DLEC1: variants seen among roughly 807,000 people sequenced by gnomAD.
DLEC1 encodes the protein deleted in lung and esophageal cancer protein 1.
Under a neutral mutation model 198.1 loss-of-function variants are expected in DLEC1, and 146 were observed. The observed-to-expected ratio is 0.74, with a 90% CI of 0.64 to 0.85. The LOEUF is 0.85. DLEC1 is among the 40% of genes least tolerant of loss of function. DLEC1 has a pLI of 0.00. For synonymous variants in DLEC1, 897 were observed against 866.8 expected, an observed-to-expected ratio of 1.03 and a Z score of -0.61; for missense variants, 2,233 against 2,220.0, an observed-to-expected ratio of 1.01 and a Z score of -0.12.
chr3:38,084,265 G>C lies in DLEC1; in HGVS notation c.1261+20G>C, dbSNP rs1698229183. The C allele has an allele frequency of 3.1e-6, 5 of 1,599,422 alleles. No homozygotes were observed. Among genetic ancestry groups the C allele is most frequent in the Admixed American group, 1.7e-5 (1 of 59,628 alleles). ...GACTGGGTAAGTTCAGTATTTGTAA[G>C]TTCATTAGTAGTAGTGGTAATAGTA... On this transcript the variant is annotated intron_variant, in intron 7 of 36. Transcript: ENST00000308059.
At chr3:38,081,693 G>T (rs1490949783) in intron 6 of DLEC1, among the ~76,000 whole-genome samples, 2 of 71,536 alleles carry the variant, frequency 2.8e-5, no homozygotes, top group African/African-American at 6.3e-5. Flanking sequence ...CCTCCCGGAC[G>T]GGGTGGCTGG....
intron 2 of DLEC1, among the ~76,000 whole-genome samples, chr3:38,053,820 C>T (rs927418072): frequency 1.1e-4 from 17 of 152,312 alleles, no homozygotes; most frequent in Middle Eastern, 6.8e-3. Context: ...AAGAAGTAGA[C>T]ATAGGAGACT....
At chr3:38,066,990 G>C (rs1359179932) in intron 6 of DLEC1, among the ~76,000 whole-genome samples, 1 of 152,208 alleles carries the variant, frequency 6.6e-6, no homozygotes, top group South Asian at 2.1e-4. Flanking sequence ...GAATAGAATA[G>C]GGAAAAGGGA....
chr3:38,052,092 T>C (rs568762900), intron 2 of DLEC1: 6 of 295,194 alleles, frequency 2.0e-5, no homozygotes, highest in African/African-American at 8.6e-5. Context: ...AAAGGAACCA[T>C]TGACTAAGCA....
At chr3:38,114,863 G>T in intron 26 of DLEC1, 120 bp from the exon 27 acceptor site, 1 of 850,886 alleles carries the variant, frequency 1.2e-6, no homozygotes, top group South Asian at 1.7e-5. Context: ...ATTAATTCTC[G>T]AGTGAGGCCA....
chr3:38,096,148 A>C (rs1699005678), intron 14 of DLEC1, among the ~76,000 whole-genome samples: 1 of 152,146 alleles, frequency 6.6e-6, no homozygotes, highest in Non-Finnish European at 1.5e-5. Flanking sequence ...TAAACTCACT[A>C]TGAGGCCACC....
rs183588842 is a variant in DLEC1, at chr3:38,117,042, T to C, written c.4247T>C (p.Ile1416Thr). Residue 1416 changes from isoleucine to threonine, a missense_variant, in exon 30 of 37, where the codon ATC (isoleucine) becomes ACC (threonine). Coordinates refer to ENST00000308059, the MANE Select transcript of DLEC1 (RefSeq NM_007335.4). Reference protein sequence around the residue: ...SFTPMVLSPEILHKVECTGYA... With the variant: ...SFTPMVLSPETLHKVECTGYA... ...ACCCCTATGGTGCTCAGCCCTGAGA[T>C]CCTGCACAAGGTGGAGTGTACTGGC... 54 of 1,614,110 alleles carry C rather than the reference T, an allele frequency of 3.3e-5. No homozygotes were observed. The Admixed American group carries it at 9.0e-4, about 27-fold the overall frequency.
At chr3:38,087,184 G>T (rs1194557885) in intron 9 of DLEC1, among the ~76,000 whole-genome samples, 1 of 152,212 alleles carries the variant, frequency 6.6e-6, no homozygotes. Context: ...CTGTTGGCCA[G>T]GGCTGGGGGC....
chr3:38,053,119 T>C (rs995404094), intron 2 of DLEC1, among the ~76,000 whole-genome samples: 3 of 152,202 alleles, frequency 2.0e-5, no homozygotes, highest in Non-Finnish European at 2.9e-5. Flanking sequence ...TGGAGTGCAG[T>C]GGCGTGATCT....
intron 18 of DLEC1, among the ~76,000 whole-genome samples, chr3:38,099,230 G>T (rs1123569): frequency 0.21 from 32,426 of 151,972 alleles, 4,817 homozygotes; most frequent in African/African-American, 0.42. Context: ...ACAGTTAGAA[G>T]CTTACAGACC....
chr3:38,046,018 G>A (rs1700870442), intron 2 of DLEC1, among the ~76,000 whole-genome samples: 1 of 152,126 alleles, frequency 6.6e-6, no homozygotes, highest in Non-Finnish European at 1.5e-5. Context: ...AGAAAATGAT[G>A]GACACTGCAA....
chr3:38,061,387 G>T (rs1351284607), intron 3 of DLEC1, among the ~76,000 whole-genome samples: 1 of 151,828 alleles, frequency 6.6e-6, no homozygotes, highest in African/African-American at 2.4e-5. Flanking sequence ...CACCATGTTG[G>T]CCAGGCTGGT....
At chr3:38,092,102 G>A (rs527251682) in intron 10 of DLEC1, among the ~76,000 whole-genome samples, 5 of 152,090 alleles carry the variant, frequency 3.3e-5, no homozygotes, top group Admixed American at 6.5e-5. Context: ...AAAGATATCC[G>A]CACTCTTATG....
intron 6 of DLEC1, among the ~76,000 whole-genome samples, chr3:38,072,509 G>C (rs1697377534): frequency 6.6e-6 from 1 of 152,210 alleles, no homozygotes; most frequent in African/African-American, 2.4e-5. Context: ...GTAATGAAAA[G>C]AGTTGGGATG....
chr3:38,050,689 A>C (rs1334582546), intron 2 of DLEC1, among the ~76,000 whole-genome samples: 1 of 152,162 alleles, frequency 6.6e-6, no homozygotes, highest in Non-Finnish European at 1.5e-5. Context: ...TTTAGGAAAA[A>C]ATTTCAGTAT....
chr3:38,122,574 G>A lies in DLEC1; in HGVS notation c.*162G>A. On this transcript the variant is annotated 3_prime_UTR_variant, in exon 37 of 37. Coordinates refer to ENST00000308059, the MANE Select transcript of DLEC1 (RefSeq NM_007335.4). Reference sequence around the variant, plus strand: ...CCCTTCCACAATGGTCTCAGCCTAGGCCCTCATGATATGTCCTCAGAGCTA... The same window carrying A: ...CCCTTCCACAATGGTCTCAGCCTAGACCCTCATGATATGTCCTCAGAGCTA... The A allele has an allele frequency of 6.3e-7, 1 of 1,597,286 alleles. No homozygotes were observed. Among genetic ancestry groups the A allele is most frequent in the Non-Finnish European group, 8.5e-7 (1 of 1,174,962 alleles).
chr3:38,122,382 TG>T lies in DLEC1; in HGVS notation c.5239del (p.Glu1747ArgfsTer74). 1 of 1,614,098 alleles carries T rather than the reference TG, an allele frequency of 6.2e-7. No individual in the cohort carries two copies. Among genetic ancestry groups the T allele is most frequent in the Non-Finnish European group, 8.5e-7 (1 of 1,180,006 alleles). ...LRLRGQGSYD[E>X]RYMLPHQP The stretch of plus-strand genomic sequence containing the variant: ...GGCTCCGGGGCCAAGGCTCCTATGA[TG>T]AGAGATACATGTTGCCTCACCAGCC... On this transcript the variant is annotated frameshift_variant, in exon 37 of 37. Coordinates refer to ENST00000308059, the MANE Select transcript of DLEC1 (RefSeq NM_007335.4). LOFTEE classifies it high-confidence loss of function.
chr3:38,057,264 G>A (rs1696423043), intron 2 of DLEC1, among the ~76,000 whole-genome samples: 1 of 152,248 alleles, frequency 6.6e-6, no homozygotes, highest in South Asian at 2.1e-4. Flanking sequence ...GCCAAGGCGG[G>A]CAGATCACCT....
At chr3:38,081,648 G>A (rs1333721957) in intron 6 of DLEC1, among the ~76,000 whole-genome samples, 4 of 94,626 alleles carry the variant, frequency 4.2e-5, no homozygotes, top group African/African-American at 1.4e-4. Flanking sequence ...CGGACGGGGC[G>A]GCTGGCCGGG....
Sources: allele counts gnomAD v4.1 joint callset (sites outside exome capture counted in the v4.1 genomes callset), GRCh38; gene constraint gnomAD v4.1.1; transcripts MANE v1.5; gene names NCBI Gene and HGNC (gene_info 2026-07-23, HGNC 2026-07-21).